Variants in WDCP observed in about 807,000 individuals in gnomAD.
WDCP encodes WD repeat and coiled-coil-containing protein.
In WDCP, 19 loss-of-function variants were observed where a neutral mutation model predicts 41.6. That is an observed-to-expected ratio of 0.46 (90% CI 0.32 to 0.67). WDCP has a LOEUF of 0.67. WDCP is among the 30% of genes least tolerant of loss of function. The pLI, the probability that WDCP is intolerant of heterozygous loss-of-function variation, is 0.04. For missense variants in WDCP, 802 were observed against 850.7 expected (o/e 0.94, Z 0.71); for synonymous variants, 302 against 320.8 (o/e 0.94, Z 0.63).
In WDCP at chr2:24,030,829, C is replaced by T. The variant is rs937773209; in HGVS notation, c.*104G>A. On this transcript the variant is annotated 3_prime_UTR_variant, in exon 4 of 4. Coordinates refer to ENST00000295148, the MANE Select transcript of WDCP (RefSeq NM_025203.3). ...GGAGAGCCGACCATGGCAAGCGCTT[C>T]GCCTGAGTGCAGTGGGAGTCTCATT... is the stretch of plus-strand genomic sequence containing the variant. The T allele has an allele frequency of 3.0e-5, 26 of 877,402 alleles. 1 individual carries two copies. The highest frequency in any genetic ancestry group is 1.0e-4 in the Admixed American group (4 of 38,664). The allele number at this position is 877,402 out of a possible 1,614,324, so 54.4% of individuals were successfully genotyped here.
At position 24,039,153 on chromosome 2, in the gene WDCP, G is replaced by A; in HGVS notation, c.342C>T (p.Ile114=). The change falls in exon 2 of 4, where the codon ATC becomes ATT. Residue 114 remains isoleucine, a synonymous_variant. Coordinates refer to ENST00000295148, the MANE Select transcript of WDCP (RefSeq NM_025203.3). Reference sequence around the variant, plus strand: ...GGTGCCACACACAGCCCTGGGGAAGGATAGGTAGTGATCCTCTAATCTCAC... The same window carrying A: ...GGTGCCACACACAGCCCTGGGGAAGAATAGGTAGTGATCCTCTAATCTCAC... ...QTCEIRGSLP[I]LPQGCVWHPK... 1 of 1,614,238 alleles carries A rather than the reference G, an allele frequency of 6.2e-7. No individual in the cohort carries two copies. The highest frequency in any genetic ancestry group is 8.5e-7 in the Non-Finnish European group (1 of 1,180,050).
At chr2:24,041,130 G>C (rs1333492055) in intron 1 of WDCP, among the ~76,000 whole-genome samples, 4 of 152,072 alleles carry the variant, frequency 2.6e-5, no homozygotes, top group African/African-American at 9.7e-5. Flanking sequence ...CCTGAGGTCA[G>C]GAGTTTGAGA....
Position 24,032,866 on chromosome 2 carries a change from C to T in WDCP, c.1899G>A (p.Gln633=). 1.2e-6 allele frequency: 2 copies of T among 1,613,548 alleles called. No individual in the cohort carries two copies. The highest frequency in any genetic ancestry group is 1.7e-6 in the Non-Finnish European group (2 of 1,179,514). The change falls in exon 3 of 4, where the codon CAG becomes CAA. Residue 633 remains glutamine (Q), a synonymous_variant. Coordinates refer to ENST00000295148, the MANE Select transcript of WDCP (RefSeq NM_025203.3). The stretch of plus-strand genomic sequence containing the variant: ...CAATGAGAGAAAGGCCAAAAGTCTG[C>T]TGAACTGTACTGAGCCTTAGTTTAC... ...CDGKLRLSTV[Q]QTFGLSLIEM... is the part of the protein sequence containing the mutation.
intron 2 of WDCP, among the ~76,000 whole-genome samples, chr2:24,037,343 G>A (rs1573659197): frequency 6.6e-6 from 1 of 152,292 alleles, no homozygotes; most frequent in East Asian, 1.9e-4. Context: ...TTTTATAACT[G>A]GAGGAGTATC....
In WDCP at chr2:24,030,875, C is replaced by T; in HGVS notation, c.*58G>A. The T allele has an allele frequency of 7.5e-7, 1 of 1,339,424 alleles. No individual in the cohort carries two copies. The highest frequency in any genetic ancestry group is 1.1e-6 in the Non-Finnish European group (1 of 943,730). 83.0% of individuals were successfully genotyped at this position (1,339,424 alleles called of 1,614,324 possible). ...TCATTGGCGAGTGTCCAGTGTCAAG[C>T]AGGCCTTGTTTGTAATGGTCTCATC... On this transcript the variant is annotated 3_prime_UTR_variant, in exon 4 of 4. Coordinates refer to ENST00000295148, the MANE Select transcript of WDCP (RefSeq NM_025203.3).
Position 24,032,954 on chromosome 2 carries a change from T to A in WDCP, c.1819-8A>T, listed in dbSNP as rs760083604. 12 of 1,517,852 alleles carry A rather than the reference T, an allele frequency of 7.9e-6. No individual in the cohort carries two copies. In the East Asian group the frequency reaches 2.3e-4, roughly 28 times the overall value. 94.0% of individuals were successfully genotyped at this position (1,517,852 alleles called of 1,614,324 possible). Reference sequence around the variant, plus strand: ...ACCTAGATAATAAGGTTTCTGCAAATAAAAAATAAAAGTTGTTAAACTGAT... The same window carrying A: ...ACCTAGATAATAAGGTTTCTGCAAAAAAAAAATAAAAGTTGTTAAACTGAT... On this transcript the variant is annotated splice_region_variant and splice_polypyrimidine_tract_variant and intron_variant, in intron 2 of 3. Transcript: ENST00000295148.
chr2:24,046,851 A>T (rs767367508), intron 1 of WDCP, among the ~76,000 whole-genome samples: 3 of 152,194 alleles, frequency 2.0e-5, no homozygotes, highest in Non-Finnish European at 4.4e-5. Flanking sequence ...GCAACTTTGT[A>T]TCACGGTTTT....
chr2:24,031,041 A>C lies in WDCP; in HGVS notation c.2058T>G (p.Ser686=), dbSNP rs1028375501. The change falls in exon 4 of 4, where the codon TCT becomes TCG. Residue 686 remains serine, a synonymous_variant. Coordinates refer to ENST00000295148, the MANE Select transcript of WDCP (RefSeq NM_025203.3). ...AAACAGCACCTGGACTGTGAGAAAA[A>C]GAGTCTCTGAAGACATCTGACCTGG... ...SLSRSDVFRD[S]FSHSPGAVSS... The C allele has an allele frequency of 3.7e-6, 6 of 1,614,098 alleles. No homozygotes were observed. The African/African-American group carries it at 4.0e-5, about 11-fold the overall frequency.
intron 3 of WDCP, among the ~76,000 whole-genome samples, chr2:24,032,200 C>T (rs1449925979): frequency 1.3e-5 from 2 of 151,880 alleles, no homozygotes; most frequent in Admixed American, 6.6e-5. Flanking sequence ...AGTGAGACCC[C>T]GTTATCTACA....
intron 3 of WDCP, 62 bp downstream of exon 3, chr2:24,032,767 T>C (rs568239508): frequency 1.1e-6 from 1 of 924,982 alleles, no homozygotes; most frequent in East Asian, 2.4e-5. Context: ...ACCGGCATAG[T>C]TAAAACAGAT....
In WDCP at chr2:24,038,180, T is replaced by C. The variant is rs774271280; in HGVS notation, c.1315A>G (p.Ile439Val). The change falls in exon 2 of 4, where the codon ATA becomes GTA. Residue 439 changes from isoleucine to valine, a missense_variant. By Grantham distance (29) the Ile-to-Val change is conservative. Around this residue, in one of 5 missense-constraint regions of WDCP, gnomAD observed 13 missense variants for 31.8 expected, o/e 0.41. Coordinates refer to ENST00000295148, the MANE Select transcript of WDCP (RefSeq NM_025203.3). ...REIMLEEEPS[I>V]TSGESQTTYS... is the part of the protein sequence containing the mutation. ...GTAGTCTGGCTTTCACCTGATGTTA[T>C]TGAAGGTTCTTCTTCCAACATTATT... The C allele has an allele frequency of 2.6e-5, 42 of 1,614,130 alleles. No homozygotes were observed. Among genetic ancestry groups the C allele is most frequent in the African/African-American group, 5.3e-5 (4 of 74,946 alleles).
rs756505950 is a variant in WDCP, at chr2:24,038,097, A to G, written c.1398T>C (p.Ser466=). 3.5e-5 allele frequency: 56 copies of G among 1,614,100 alleles called. No homozygotes were observed. Among genetic ancestry groups the G allele is most frequent in the Admixed American group, 5.0e-5 (3 of 59,996 alleles). ...TTTGGTGACAAAAATCTGGGGAAAG[A>G]CTTTCAATTAACTTTTTTCTATTTG... ...NKANRKKLIE[S]LSPDFCHQNK... Residue 466 remains serine, a synonymous_variant, in exon 2 of 4, where the codon AGT becomes AGC. Transcript: ENST00000295148.
intron 3 of WDCP, among the ~76,000 whole-genome samples, chr2:24,031,990 T>G (rs1242899342): frequency 1.3e-5 from 2 of 152,260 alleles, no homozygotes; most frequent in Admixed American, 6.5e-5. Context: ...CTTTTCCAGC[T>G]AGGCTGTAAG....
At chr2:24,040,285 G>A (rs1663389228) in intron 1 of WDCP, among the ~76,000 whole-genome samples, 1 of 152,108 alleles carries the variant, frequency 6.6e-6, no homozygotes, top group African/African-American at 2.4e-5. Context: ...AACAAATGTA[G>A]CAAAATGTTA....
intron 1 of WDCP, among the ~76,000 whole-genome samples, chr2:24,042,407 G>A (rs1213047707): frequency 2.0e-5 from 3 of 151,982 alleles, no homozygotes; most frequent in African/African-American, 7.3e-5. Context: ...GTGTTGGCGG[G>A]CGCCTGTAGT....
intron 1 of WDCP, among the ~76,000 whole-genome samples, chr2:24,041,153 A>G (rs1009059565): frequency 2.0e-5 from 3 of 152,000 alleles, no homozygotes; most frequent in Non-Finnish European, 4.4e-5. Context: ...AGCCTGGCCA[A>G]CATGGTGTAA....
chr2:24,043,960 C>T (rs376617776), intron 1 of WDCP, among the ~76,000 whole-genome samples: 1 of 151,754 alleles, frequency 6.6e-6, no homozygotes, highest in Non-Finnish European at 1.5e-5. Context: ...GCTTGCTAAA[C>T]GGAGAAAAAA....
intron 1 of WDCP, among the ~76,000 whole-genome samples, chr2:24,041,925 A>G (rs1193431777): frequency 6.6e-6 from 1 of 151,828 alleles, no homozygotes; most frequent in Non-Finnish European, 1.5e-5. Context: ...TATTTGGATA[A>G]GCTGTAATAC....
rs1339291195 is a variant in WDCP at position 24,030,778 on chromosome 2, A to C, written c.*155T>G. 1 of 624,236 alleles carries C rather than the reference A, an allele frequency of 1.6e-6. No homozygotes were observed. Among genetic ancestry groups the C allele is most frequent in the Non-Finnish European group, 2.9e-6 (1 of 349,002 alleles). 38.7% of individuals were successfully genotyped at this position (624,236 alleles called of 1,614,324 possible). A position where few individuals can be genotyped will look rare whatever the true frequency, so the allele number is the denominator to read the frequency against. On this transcript the variant is annotated 3_prime_UTR_variant, in exon 4 of 4. Coordinates refer to ENST00000295148, the MANE Select transcript of WDCP (RefSeq NM_025203.3). ...GCTCTGCTACACAGCAGCGAGCCTC[A>C]GCTCAGGGGAAACAGGGGGAAACCA... is the stretch of plus-strand genomic sequence containing the variant.
Sources: gnomAD v4.1 joint callset for allele counts (sites outside exome capture counted in the v4.1 genomes callset) on GRCh38, gnomAD v4.1.1 for gene constraint, gnomAD v4.1.1 regional missense constraint, MANE v1.5 for transcripts, NCBI Gene and HGNC (gene_info 2026-07-23, HGNC 2026-07-21) for gene names.